MYO9A: variants seen among roughly 807,000 people sequenced by gnomAD.
MYO9A encodes the protein myosin IXA.
Under a neutral mutation model 293.3 loss-of-function variants are expected in MYO9A, and 103 were observed. The ratio of observed to expected loss-of-function variants is 0.35; its 90% CI spans 0.30 to 0.41. MYO9A has a LOEUF of 0.41. MYO9A is among the 10% of genes least tolerant of loss of function. The pLI is 1.00. For missense variants in MYO9A, 2,685 were observed against 3,033.0 expected (o/e 0.89, Z 2.69); for synonymous variants, 1,001 against 1,035.7 (o/e 0.97, Z 0.64).
intron 1 of MYO9A, among the ~76,000 whole-genome samples, chr15:72,103,413 G>T (rs1359647895): frequency 6.8e-6 from 1 of 147,404 alleles, no homozygotes; most frequent in Non-Finnish European, 1.5e-5. Context: ...CAAGCAGCAA[G>T]CAGCAGCAGA....
At chr15:71,881,993 G>A (rs2056885407) in intron 28 of MYO9A, among the ~76,000 whole-genome samples, 1 of 152,124 alleles carries the variant, frequency 6.6e-6, no homozygotes. Context: ...TCAACTGATA[G>A]AAGCAAAGCC....
At chr15:71,969,763 A>T (rs900371378) in intron 12 of MYO9A, among the ~76,000 whole-genome samples, 1 of 152,220 alleles carries the variant, frequency 6.6e-6, no homozygotes, top group African/African-American at 2.4e-5. Context: ...AAAGATGGAA[A>T]GTTCCTGCAT....
Position 71,875,837 on chromosome 15 carries a change from AC to A in MYO9A, c.5932del (p.Val1978CysfsTer42). ...FKTSDCTATKVPKTERKKRRK... is the reference protein window; with the variant it reads ...FKTSDCTATKXPKTERKKRRK... The stretch of plus-strand genomic sequence containing the variant: ...TCTTTTCTTTCTTTCTGTTTTTGGC[AC>A]CTGACAGGGGGACAGGAGATATATG... On this transcript the variant is annotated frameshift_variant and splice_region_variant, in exon 32 of 42. Coordinates refer to ENST00000356056, the MANE Select transcript of MYO9A (RefSeq NM_006901.4). LOFTEE classifies it high-confidence loss of function. The A allele has an allele frequency of 7.2e-7, 1 of 1,380,936 alleles. No homozygotes were observed. Among genetic ancestry groups the A allele is most frequent in the African/African-American group, 1.5e-5 (1 of 66,654 alleles). 85.5% of individuals were successfully genotyped at this position (1,380,936 alleles called of 1,614,324 possible).
intron 4 of MYO9A, among the ~76,000 whole-genome samples, chr15:72,021,487 G>C (rs888825119): frequency 2.0e-5 from 3 of 152,176 alleles, no homozygotes; most frequent in African/African-American, 4.8e-5. Context: ...CTACCAGAAA[G>C]GTCAGAACAG....
intron 8 of MYO9A, among the ~76,000 whole-genome samples, chr15:72,001,478 C>T (rs373644045): frequency 1.4e-5 from 2 of 141,864 alleles, no homozygotes; most frequent in Non-Finnish European, 3.0e-5. Context: ...CACTTGAAAC[C>T]GGGAGGCAGA....
intron 18 of MYO9A, among the ~76,000 whole-genome samples, chr15:71,916,882 T>C (rs1465603311): frequency 6.6e-6 from 1 of 152,232 alleles, no homozygotes; most frequent in Non-Finnish European, 1.5e-5. Context: ...ACTAGTTTTG[T>C]AAATGCTCAG....
At chr15:71,963,069 C>T (rs79027909) in intron 13 of MYO9A, among the ~76,000 whole-genome samples, 4 of 151,992 alleles carry the variant, frequency 2.6e-5, no homozygotes, top group African/African-American at 9.7e-5. Context: ...ACAGTGTGTA[C>T]TCATTTCTCT....
chr15:71,871,694 A>T (rs1031971657), intron 32 of MYO9A, among the ~76,000 whole-genome samples: 1 of 147,126 alleles, frequency 6.8e-6, no homozygotes, highest in East Asian at 1.9e-4. Context: ...AAAAAGAAAA[A>T]AAAAAAAGAA....
chr15:71,844,382 T>A (rs1401415434), intron 39 of MYO9A, among the ~76,000 whole-genome samples: 1 of 152,204 alleles, frequency 6.6e-6, no homozygotes, highest in Non-Finnish European at 1.5e-5. Flanking sequence ...TTTCTAAGAA[T>A]GATATTCTGA....
At chr15:72,084,353 T>A (rs1054213296) in intron 1 of MYO9A, among the ~76,000 whole-genome samples, 11 of 152,220 alleles carry the variant, frequency 7.2e-5, no homozygotes, top group Non-Finnish European at 1.3e-4. Context: ...GTAATTTTTC[T>A]CCATCCCTCT....
intron 32 of MYO9A, among the ~76,000 whole-genome samples, chr15:71,865,610 TACAG>T (rs1384136376): frequency 2.6e-5 from 4 of 152,126 alleles, no homozygotes; most frequent in Non-Finnish European, 5.9e-5. Context: ...GGCAAATCCA[TACAG>T]ACAAAGTAGA....
chr15:72,021,044 T>C (rs2077487625), intron 4 of MYO9A, 27 bp from the exon 5 acceptor site: 1 of 1,414,422 alleles, frequency 7.1e-7, no homozygotes, highest in African/African-American at 1.5e-5. Context: ...AGTACAAGTT[T>C]CATAATGTGT....
At chr15:71,895,349 A>T (rs1430322699) in intron 25 of MYO9A, among the ~76,000 whole-genome samples, 1 of 152,194 alleles carries the variant, frequency 6.6e-6, no homozygotes, top group Non-Finnish European at 1.5e-5. Flanking sequence ...CTTCACCATG[A>T]ATTCTTTTTG....
chr15:72,072,597 C>T (rs991736575), intron 1 of MYO9A, among the ~76,000 whole-genome samples: 1 of 152,132 alleles, frequency 6.6e-6, no homozygotes, highest in Non-Finnish European at 1.5e-5. Flanking sequence ...AAATCATGTC[C>T]TTTGCAGCAA....
At chr15:71,861,069 C>T (rs2056104738) in intron 33 of MYO9A, among the ~76,000 whole-genome samples, 1 of 149,770 alleles carries the variant, frequency 6.7e-6, no homozygotes, top group Non-Finnish European at 1.5e-5. Flanking sequence ...AGAAACTAAA[C>T]CTACAAGAAT....
intron 2 of MYO9A, among the ~76,000 whole-genome samples, chr15:72,035,843 G>A (rs1037575875): frequency 3.9e-5 from 6 of 151,910 alleles, no homozygotes; most frequent in African/African-American, 1.5e-4. Context: ...AGGACTCTAT[G>A]TATATGACAT....
intron 1 of MYO9A, among the ~76,000 whole-genome samples, chr15:72,100,017 G>A (rs1425227309): frequency 6.6e-6 from 1 of 151,642 alleles, no homozygotes; most frequent in Non-Finnish European, 1.5e-5. Context: ...TGGGAGGTGA[G>A]GCAGGCGGAT....
At chr15:71,973,736 A>G (rs978801586) in intron 12 of MYO9A, among the ~76,000 whole-genome samples, 2 of 152,214 alleles carry the variant, frequency 1.3e-5, no homozygotes, top group Admixed American at 1.3e-4. Context: ...TCTGTTATCT[A>G]CTTACGAGGT....
At chr15:71,979,439 C>G (rs2076219258) in intron 11 of MYO9A, among the ~76,000 whole-genome samples, 2 of 152,098 alleles carry the variant, frequency 1.3e-5, no homozygotes, top group African/African-American at 4.8e-5. Flanking sequence ...TTCCCAAGGA[C>G]TATCCAAACC....
Sources: allele counts gnomAD v4.1 joint callset (sites outside exome capture counted in the v4.1 genomes callset), GRCh38; gene constraint gnomAD v4.1.1; transcripts MANE v1.5; gene names NCBI Gene and HGNC (gene_info 2026-07-23, HGNC 2026-07-21).